The following SLC9A4 variants were observed in gnomAD, a reference collection of about 807,000 sequenced individuals.
SLC9A4 encodes sodium/hydrogen exchanger 4.
Under a neutral mutation model 67.4 loss-of-function variants are expected in SLC9A4, and 63 were observed. The observed-to-expected ratio is 0.93, with a 90% CI of 0.76 to 1.15. SLC9A4 has a LOEUF of 1.15. Among genes scored for constraint, SLC9A4 ranks in the 50% most tolerant of loss-of-function variants. The probability of loss-of-function intolerance (pLI) is 0.00; values close to 1 mark genes in which losing one functional copy is unlikely to be tolerated. For synonymous variants in SLC9A4, 393 were observed against 367.2 expected, an observed-to-expected ratio of 1.07 and a Z score of -0.80; for missense variants, 1,089 against 987.7, an observed-to-expected ratio of 1.10 and a Z score of -1.38.
At chr2:102,491,940 G>T (rs1684711629) in intron 2 of SLC9A4, among the ~76,000 whole-genome samples, 1 of 152,202 alleles carries the variant, frequency 6.6e-6, no homozygotes, top group African/African-American at 2.4e-5. Flanking sequence ...CCAAATGGGA[G>T]AAATTGACCA....
rs529018973 is a variant in SLC9A4 at position 102,505,358 on chromosome 2, G to A, written c.1085G>A (p.Ser362Asn). ...TTCATGAAGATGCTGAGCAGCGTCA[G>A]CGAGACCTTGATCTTCATCTTCATG... ...KYFMKMLSSV[S>N]ETLIFIFMGV... Residue 362 changes from serine (S) to asparagine (N), a missense_variant, in exon 4 of 12, where the codon AGC (serine) becomes AAC (asparagine). Transcript: ENST00000295269. 1.7e-5 allele frequency: 28 copies of A among 1,614,236 alleles called. No individual in the cohort carries two copies. The South Asian group carries it at 2.9e-4, about 16-fold the overall frequency.
At chr2:102,503,752 G>A (rs1277695987) in intron 3 of SLC9A4, 45 bp downstream of exon 3, 2 of 1,596,008 alleles carry the variant, frequency 1.3e-6, no homozygotes, top group African/African-American at 1.3e-5. Flanking sequence ...TAGAAAGAAA[G>A]TTTAGAACCA....
intron 2 of SLC9A4, among the ~76,000 whole-genome samples, chr2:102,481,009 T>C (rs1558659229): frequency 6.6e-6 from 1 of 152,078 alleles, no homozygotes; most frequent in Non-Finnish European, 1.5e-5. Flanking sequence ...TTGGAATAAT[T>C]TTGCAGGTTG....
At chr2:102,488,212 G>A (rs773225394) in intron 2 of SLC9A4, among the ~76,000 whole-genome samples, 4 of 152,126 alleles carry the variant, frequency 2.6e-5, no homozygotes, top group Non-Finnish European at 5.9e-5. Flanking sequence ...ATCCTTAAGG[G>A]TCTGTGGGTG....
intron 4 of SLC9A4, among the ~76,000 whole-genome samples, chr2:102,507,174 C>G (rs9989842): frequency 0.75 from 113,831 of 151,636 alleles, 43,100 homozygotes; most frequent in Middle Eastern, 0.8. Flanking sequence ...ACATGACTGG[C>G]ATGGAGAGGA....
At chr2:102,489,024 A>G (rs777870661) in intron 2 of SLC9A4, among the ~76,000 whole-genome samples, 1 of 152,220 alleles carries the variant, frequency 6.6e-6, no homozygotes, top group Non-Finnish European at 1.5e-5. Context: ...TCCCTCTCAG[A>G]AAAAGCAAAT....
At chr2:102,488,796 A>G (rs568840697) in intron 2 of SLC9A4, among the ~76,000 whole-genome samples, 1 of 152,234 alleles carries the variant, frequency 6.6e-6, no homozygotes, top group East Asian at 1.9e-4. Flanking sequence ...ATCCACCCAC[A>G]TCAGCCTCCC....
chr2:102,475,425 G>T (rs922574365), intron 1 of SLC9A4, among the ~76,000 whole-genome samples: 1 of 152,194 alleles, frequency 6.6e-6, no homozygotes, highest in African/African-American at 2.4e-5. Flanking sequence ...TCACTGACTA[G>T]CTAGTTGCTC....
chr2:102,474,000 TC>T lies in SLC9A4; in HGVS notation c.244del (p.Ala83GlnfsTer3), dbSNP rs753958302. ...YEVTLWILLASLAKIGFHLYH... is the reference protein window; with the variant it reads ...YEVTLWILLAXLAKIGFHLYH... ...GGTCACTCTCTGGATACTTCTAGCATCCCTTGCAAAAATAGGTAAGTCCTTA... is the reference window on the plus strand; with the variant it reads ...GGTCACTCTCTGGATACTTCTAGCATCCTTGCAAAAATAGGTAAGTCCTTA... On this transcript the variant is annotated frameshift_variant, in exon 1 of 12. Transcript: ENST00000295269. LOFTEE classifies it high-confidence loss of function. 16 of 1,612,910 alleles carry T rather than the reference TC, an allele frequency of 9.9e-6. 1 individual carries two copies. Among genetic ancestry groups the T allele is most frequent in the Non-Finnish European group, 1.4e-5 (16 of 1,179,272 alleles).
Position 102,526,260 on chromosome 2 carries a change from CT to C in SLC9A4, c.1953del (p.Gly652AlafsTer48), listed in dbSNP as rs1674663381. 9 of 1,613,394 alleles carry C rather than the reference CT, an allele frequency of 5.6e-6. No individual in the cohort carries two copies. The highest frequency in any genetic ancestry group is 7.6e-6 in the Non-Finnish European group (9 of 1,179,510). ...KGHSLPWGKP[A>X]GTKNIRYLSY... ...TTTCTTTCTACTTGCTACCCACAGGCTGGCACCAAGAATATCCGCTACCTCT... is the reference window on the plus strand; with the variant it reads ...TTTCTTTCTACTTGCTACCCACAGGCGGCACCAAGAATATCCGCTACCTCT... On this transcript the variant is annotated frameshift_variant and splice_region_variant, in exon 11 of 12. Transcript: ENST00000295269. LOFTEE classifies it high-confidence loss of function.
chr2:102,512,422 G>C (rs367698712), intron 7 of SLC9A4, 149 bp downstream of exon 7: 1 of 749,990 alleles, frequency 1.3e-6, no homozygotes, highest in East Asian at 2.8e-5. Flanking sequence ...GAAATTCCAG[G>C]GCATGCTAAG....
chr2:102,532,319 T>A lies in SLC9A4; in HGVS notation c.2039-11T>A. 2 of 1,605,786 alleles carry A rather than the reference T, an allele frequency of 1.2e-6. No homozygotes were observed. The highest frequency in any genetic ancestry group is 1.7e-6 in the Non-Finnish European group (2 of 1,175,398). ...TTGTTCTTTCCCCTTCTTGCCATGA[T>A]GTTTTCCTAGATGATGACAGCAGTG... On this transcript the variant is annotated splice_polypyrimidine_tract_variant and intron_variant, in intron 11 of 11. Transcript: ENST00000295269.
At chr2:102,512,136 A>C in intron 6 of SLC9A4, 67 bp from the exon 7 acceptor site, 1 of 1,558,634 alleles carries the variant, frequency 6.4e-7, no homozygotes, top group Non-Finnish European at 8.8e-7. Flanking sequence ...AAAGTGTCTT[A>C]GTTGTCCTGT....
intron 6 of SLC9A4, among the ~76,000 whole-genome samples, chr2:102,509,830 T>C (rs1383833791): frequency 1.3e-5 from 2 of 152,188 alleles, no homozygotes; most frequent in Admixed American, 1.3e-4. Flanking sequence ...TTGTAACTGT[T>C]GCCTTTCAAA....
chr2:102,522,148 G>A (rs1325582015), intron 9 of SLC9A4, among the ~76,000 whole-genome samples: 2 of 152,204 alleles, frequency 1.3e-5, no homozygotes, highest in Admixed American at 6.5e-5. Context: ...GAAGAAACTG[G>A]CTTCAGCCCA....
chr2:102,518,925 T>C (rs1477925583), intron 8 of SLC9A4, among the ~76,000 whole-genome samples: 3 of 152,232 alleles, frequency 2.0e-5, no homozygotes, highest in African/African-American at 7.2e-5. Flanking sequence ...GGTGATAGTA[T>C]TAAAAAGGGA....
chr2:102,498,090 G>A (rs900139130), intron 2 of SLC9A4, among the ~76,000 whole-genome samples: 2 of 152,180 alleles, frequency 1.3e-5, no homozygotes, highest in Non-Finnish European at 2.9e-5. Flanking sequence ...TCTCCATGGG[G>A]CTGTGGACAT....
At chr2:102,510,761 A>G (rs1174951079) in intron 6 of SLC9A4, among the ~76,000 whole-genome samples, 1 of 152,172 alleles carries the variant, frequency 6.6e-6, no homozygotes, top group African/African-American at 2.4e-5. Context: ...GGCAAAGGGT[A>G]TTACTTCTTT....
At chr2:102,524,945 C>A in intron 9 of SLC9A4, 79 bp from the exon 10 acceptor site, 1 of 1,560,548 alleles carries the variant, frequency 6.4e-7, no homozygotes, top group Non-Finnish European at 8.8e-7. Context: ...GTCTTAGGTT[C>A]CTGATGTTTC....
Sources: allele counts gnomAD v4.1 joint callset (sites outside exome capture counted in the v4.1 genomes callset), GRCh38; gene constraint gnomAD v4.1.1; transcripts MANE v1.5; gene names NCBI Gene and HGNC (gene_info 2026-07-23, HGNC 2026-07-21).